The following OR6N1 variants were observed in gnomAD, a reference collection of about 807,000 sequenced individuals.
OR6N1 encodes the protein olfactory receptor family 6 subfamily N member 1.
For synonymous variants in OR6N1, 170 were observed against 150.7 expected, an observed-to-expected ratio of 1.13 and a Z score of -0.94; for missense variants, 394 against 371.7, an observed-to-expected ratio of 1.06 and a Z score of -0.49.
chr1:158,832,060 C>T, the OR6N1 span, among the ~76,000 whole-genome samples: 1 of 152,068 alleles, frequency 6.6e-6, no homozygotes, highest in Admixed American at 6.5e-5. Context: ...TTTACATTTT[C>T]ATGAATCAGT....
At chr1:158,767,084 A>G (rs1413569136) in intron 1 of OR6N1, among the ~76,000 whole-genome samples, 2 of 152,226 alleles carry the variant, frequency 1.3e-5, no homozygotes, top group African/African-American at 2.4e-5. Flanking sequence ...TTATACTGAT[A>G]ATATATTGAT....
At chr1:158,832,668 T>C in the OR6N1 span, among the ~76,000 whole-genome samples, 4 of 151,776 alleles carry the variant, frequency 2.6e-5, no homozygotes, top group Non-Finnish European at 4.4e-5. Flanking sequence ...AGTGAAACTA[T>C]GTACTGATAC....
At chr1:158,797,468 G>A in the OR6N1 span, among the ~76,000 whole-genome samples, 1 of 152,056 alleles carries the variant, frequency 6.6e-6, no homozygotes, top group African/African-American at 2.4e-5. Context: ...CTTCTATTTG[G>A]GTTCTGGGAT....
the OR6N1 span, among the ~76,000 whole-genome samples, chr1:158,777,819 A>C: frequency 6.6e-6 from 1 of 152,204 alleles, no homozygotes; most frequent in Non-Finnish European, 1.5e-5. Context: ...ATTAGCACTT[A>C]CTATTCATCA....
chr1:158,836,903 G>T, the OR6N1 span, among the ~76,000 whole-genome samples: 1 of 151,632 alleles, frequency 6.6e-6, no homozygotes, highest in Non-Finnish European at 1.5e-5. Context: ...ATGATATGTT[G>T]TGTTTCTATA....
At chr1:158,816,960 A>G in the OR6N1 span, among the ~76,000 whole-genome samples, 1 of 152,246 alleles carries the variant, frequency 6.6e-6, no homozygotes, top group South Asian at 2.1e-4. Flanking sequence ...ACAGTCACTC[A>G]GTCTGCTGGA....
the OR6N1 span, among the ~76,000 whole-genome samples, chr1:158,819,747 C>T: frequency 5.3e-5 from 8 of 152,144 alleles, no homozygotes; most frequent in African/African-American, 1.9e-4. Flanking sequence ...ATCTGCACAC[C>T]CATCCACATA....
chr1:158,823,411 T>A, the OR6N1 span, among the ~76,000 whole-genome samples: 1 of 152,186 alleles, frequency 6.6e-6, no homozygotes, highest in Non-Finnish European at 1.5e-5. Flanking sequence ...TGTTCAGGGA[T>A]TCGATTTCTT....
the OR6N1 span, among the ~76,000 whole-genome samples, chr1:158,810,448 T>C: frequency 1.3e-5 from 2 of 152,082 alleles, no homozygotes; most frequent in African/African-American, 2.4e-5. Flanking sequence ...TTCCCTGGAG[T>C]TGCTAAGTGT....
chr1:158,770,839 G>A (rs1367852135), intron 1 of OR6N1, among the ~76,000 whole-genome samples: 11 of 152,162 alleles, frequency 7.2e-5, no homozygotes. Context: ...TTACAGCACT[G>A]GAAGCTTCCT....
the OR6N1 span, among the ~76,000 whole-genome samples, chr1:158,792,977 T>C: frequency 2.0e-5 from 3 of 152,312 alleles, no homozygotes; most frequent in African/African-American, 7.2e-5. Flanking sequence ...CATTTCTTTT[T>C]TCTTCCTTTT....
the OR6N1 span, chr1:158,781,307 C>G: frequency 0.19 from 29,090 of 152,242 alleles, 3,068 homozygotes; most frequent in South Asian, 0.48. Flanking sequence ...CCAGAGCTAA[C>G]ACTGTTTTGC....
the OR6N1 span, among the ~76,000 whole-genome samples, chr1:158,795,539 A>G: frequency 6.6e-6 from 1 of 152,208 alleles, no homozygotes; most frequent in South Asian, 2.1e-4. Context: ...GACTTCTGCA[A>G]GGTCCCTTGT....
the OR6N1 span, among the ~76,000 whole-genome samples, chr1:158,836,672 ACT>A: frequency 1.3e-5 from 2 of 151,030 alleles, no homozygotes; most frequent in African/African-American, 4.9e-5. Flanking sequence ...CAGAAAACCA[ACT>A]CTTTTTTTTA....
the OR6N1 span, among the ~76,000 whole-genome samples, chr1:158,826,921 A>G: frequency 6.6e-6 from 1 of 152,328 alleles, no homozygotes; most frequent in Non-Finnish European, 1.5e-5. Flanking sequence ...CTAGAGAAAT[A>G]AAGATATACC....
the OR6N1 span, among the ~76,000 whole-genome samples, chr1:158,839,955 G>T: frequency 6.6e-6 from 1 of 152,126 alleles, no homozygotes; most frequent in East Asian, 1.9e-4. Flanking sequence ...ATAACATTTT[G>T]ACCAGATACA....
upstream of OR6N1, chr1:158,775,668 G>C (rs1657573490): frequency 6.6e-6 from 1 of 152,126 alleles, no homozygotes; most frequent in African/African-American, 2.4e-5. Flanking sequence ...CCAATTGAGA[G>C]ATGTTGGTAA....
chr1:158,839,874 G>A, the OR6N1 span, among the ~76,000 whole-genome samples: 1 of 152,126 alleles, frequency 6.6e-6, no homozygotes, highest in African/African-American at 2.4e-5. Flanking sequence ...AGTCTGGAAC[G>A]TCCTTGTCTG....
At chr1:158,812,873 A>G in the OR6N1 span, among the ~76,000 whole-genome samples, 1 of 152,178 alleles carries the variant, frequency 6.6e-6, no homozygotes, top group African/African-American at 2.4e-5. Context: ...CATTTATTGA[A>G]TACTCTATTT....
Sources: gnomAD v4.1 joint callset for allele counts (sites outside exome capture counted in the v4.1 genomes callset) on GRCh38, gnomAD v4.1.1 for gene constraint, MANE v1.5 for transcripts, NCBI Gene and HGNC (gene_info 2026-07-23, HGNC 2026-07-21) for gene names.